The following FHOD3 variants were observed in gnomAD, a reference collection of about 807,000 sequenced individuals.
The protein encoded by FHOD3 is formin homology 2 domain containing 3.
FHOD3 carries 90 observed loss-of-function variants against 173.0 expected under a neutral mutation model. That is an observed-to-expected ratio of 0.52 (90% CI 0.44 to 0.62). The LOEUF is 0.62. FHOD3 is among the 20% of genes least tolerant of loss of function. FHOD3 has a pLI of 0.00. For synonymous variants in FHOD3, 828 were observed against 823.0 expected (o/e 1.01, Z -0.10); for missense variants, 1,945 against 2,034.7 (o/e 0.96, Z 0.85).
At chr18:36,517,656 C>T (rs190541078) in intron 5 of FHOD3, among the ~76,000 whole-genome samples, 154 of 152,310 alleles carry the variant, frequency 1.0e-3, no homozygotes, top group Middle Eastern at 3.4e-3. Flanking sequence ...ACGCCTCAGT[C>T]GGTATCAGTT....
intron 6 of FHOD3, among the ~76,000 whole-genome samples, chr18:36,579,530 C>T (rs562741244): frequency 4.6e-5 from 7 of 152,274 alleles, no homozygotes; most frequent in South Asian, 4.2e-4. Context: ...GTGGTGTAAA[C>T]GTGATCCCCA....
intron 5 of FHOD3, among the ~76,000 whole-genome samples, chr18:36,563,502 ACAGC>A (rs1191251456): frequency 1.3e-5 from 2 of 152,212 alleles, no homozygotes; most frequent in African/African-American, 4.8e-5. Context: ...AGCATCAAGA[ACAGC>A]CAACCATCAG....
intron 3 of FHOD3, among the ~76,000 whole-genome samples, chr18:36,460,635 G>A (rs2052494576): frequency 6.6e-6 from 1 of 152,188 alleles, no homozygotes; most frequent in African/African-American, 2.4e-5. Context: ...TGTTTACAGT[G>A]CCAGTTGATA....
intron 5 of FHOD3, among the ~76,000 whole-genome samples, chr18:36,525,362 C>G (rs1183797722): frequency 2.0e-5 from 3 of 152,110 alleles, no homozygotes. Context: ...ATTCTGCCAA[C>G]AACCACATGA....
intron 13 of FHOD3, among the ~76,000 whole-genome samples, chr18:36,654,607 A>G (rs1223458546): frequency 6.6e-6 from 1 of 152,212 alleles, no homozygotes; most frequent in Non-Finnish European, 1.5e-5. Context: ...AGTTCAAATA[A>G]GCGAGCTCAT....
chr18:36,338,241 A>G (rs2045426967), intron 1 of FHOD3, among the ~76,000 whole-genome samples: 1 of 152,196 alleles, frequency 6.6e-6, no homozygotes, highest in Admixed American at 6.5e-5. Context: ...GGGTCCAGAT[A>G]TGTAGCAGAA....
intron 5 of FHOD3, among the ~76,000 whole-genome samples, chr18:36,521,627 C>G (rs2056279738): frequency 6.6e-6 from 1 of 152,166 alleles, no homozygotes; most frequent in African/African-American, 2.4e-5. Flanking sequence ...TTGTTCCTTC[C>G]TAACCTGCTC....
At chr18:36,429,601 A>T (rs1006181989) in intron 3 of FHOD3, among the ~76,000 whole-genome samples, 1 of 152,206 alleles carries the variant, frequency 6.6e-6, no homozygotes, top group Non-Finnish European at 1.5e-5. Flanking sequence ...GTTAGCACAG[A>T]TAAGGAATTC....
At chr18:36,405,273 C>T (rs1036578774) in intron 3 of FHOD3, among the ~76,000 whole-genome samples, 1 of 152,244 alleles carries the variant, frequency 6.6e-6, no homozygotes, top group African/African-American at 2.4e-5. Context: ...CCTCACAACA[C>T]TTCACAGCAC....
At chr18:36,499,337 C>T (rs934120014) in intron 3 of FHOD3, among the ~76,000 whole-genome samples, 2 of 152,134 alleles carry the variant, frequency 1.3e-5, no homozygotes, top group Non-Finnish European at 2.9e-5. Flanking sequence ...CTCCTGACCT[C>T]AAGTGATCCG....
chr18:36,526,693 A>G (rs2056531632), intron 5 of FHOD3, among the ~76,000 whole-genome samples: 1 of 152,226 alleles, frequency 6.6e-6, no homozygotes. Flanking sequence ...GTGAGCCACC[A>G]TGCCTGGCCC....
intron 1 of FHOD3, among the ~76,000 whole-genome samples, chr18:36,346,988 C>T (rs2045906526): frequency 6.6e-6 from 1 of 152,204 alleles, no homozygotes; most frequent in Non-Finnish European, 1.5e-5. Context: ...TCATTGTGCT[C>T]CTCACTTCCT....
intron 1 of FHOD3, among the ~76,000 whole-genome samples, chr18:36,340,759 C>T (rs980319038): frequency 4.6e-5 from 7 of 152,008 alleles, no homozygotes; most frequent in African/African-American, 1.7e-4. Flanking sequence ...GCCTCAGCCT[C>T]CCGAGTAGCT....
chr18:36,696,380 G>A (rs999532428), intron 17 of FHOD3, among the ~76,000 whole-genome samples: 2 of 152,168 alleles, frequency 1.3e-5, no homozygotes. Context: ...ATTTGTTATT[G>A]AATTTTCTGT....
intron 5 of FHOD3, among the ~76,000 whole-genome samples, chr18:36,520,935 G>A (rs902883972): frequency 3.3e-5 from 5 of 152,202 alleles, no homozygotes; most frequent in Non-Finnish European, 5.9e-5. Context: ...CAGAGGAGCT[G>A]CTGGCTAGGT....
chr18:36,742,636 G>T, intron 21 of FHOD3, 101 bp from the exon 22 acceptor site: 2 of 1,312,224 alleles, frequency 1.5e-6, no homozygotes, highest in Non-Finnish European at 2.1e-6. Context: ...GCCTTGTGCT[G>T]GGGAGAACAC....
Position 36,740,637 on chromosome 18 carries a change from T to C in FHOD3, c.3577-19T>C. 6.2e-7 allele frequency: 1 copy of C among 1,600,738 alleles called. No individual in the cohort carries two copies. Among genetic ancestry groups the C allele is most frequent in the Non-Finnish European group, 8.5e-7 (1 of 1,171,568 alleles). On this transcript the variant is annotated intron_variant, in intron 20 of 28. Transcript: ENST00000590592. The stretch of plus-strand genomic sequence containing the variant: ...TCCATCACTAAGAGAAAATATACTA[T>C]ATCATCTCCTATTTCCAGAAAATTC...
chr18:36,323,588 A>G (rs549688696), intron 1 of FHOD3, among the ~76,000 whole-genome samples: 17 of 152,286 alleles, frequency 1.1e-4, no homozygotes, highest in African/African-American at 4.1e-4. Context: ...TTCAGTTCTT[A>G]GCTCAGCTCA....
At position 36,688,520 on chromosome 18, in the gene FHOD3, T is replaced by C. The variant is rs1290340556; in HGVS notation, c.2021+1342T>C. 2.0e-5 allele frequency among the ~76,000 whole-genome samples: 3 copies of C among 152,252 alleles called. No individual in the cohort carries two copies. In the East Asian group the frequency reaches 5.8e-4, roughly 29 times the overall value. ...AATAACCAGTTGTGGCTGGCAAATC[T>C]AGAGTGAAACATGCTGCTAAAGAAA... On this transcript the variant is annotated intron_variant, in intron 16 of 28. Transcript: ENST00000590592.
Sources: allele counts gnomAD v4.1 joint callset (sites outside exome capture counted in the v4.1 genomes callset), GRCh38; gene constraint gnomAD v4.1.1; transcripts MANE v1.5; gene names NCBI Gene and HGNC (gene_info 2026-07-23, HGNC 2026-07-21).